The following MSN variants were observed in gnomAD, a reference collection of about 807,000 sequenced individuals.
MSN encodes moesin, also known as epididymis luminal protein 70.
A neutral mutation model predicts 48.0 loss-of-function variants in MSN; 2 were observed. The observed-to-expected ratio is 0.04, with a 90% CI of 0.02 to 0.13. MSN has a LOEUF of 0.13. MSN is among the 10% of genes least tolerant of loss of function. The pLI, the probability that MSN is intolerant of heterozygous loss-of-function variation, is 1.00. For missense variants in MSN, 267 were observed against 470.1 expected, an observed-to-expected ratio of 0.57 and a Z score of 3.99; for synonymous variants, 146 against 166.9, an observed-to-expected ratio of 0.87 and a Z score of 0.97.
intron 1 of MSN, among the ~76,000 whole-genome samples, chrX:65,684,205 G>A (rs748106728): frequency 9.0e-6 from 1 of 110,594 alleles, no homozygotes; most frequent in East Asian, 2.9e-4. Flanking sequence ...GCCTCCCAAA[G>A]TGCGGGGATT....
upstream of MSN, among the ~76,000 whole-genome samples, chrX:65,666,452 G>A (rs866955858): frequency 9.1e-6 from 1 of 109,914 alleles, no homozygotes; most frequent in African/African-American, 3.3e-5. Context: ...TCAGCCTCCC[G>A]AGTAGCTCGG....
At chrX:65,635,425 T>G (rs1362162741) in intron 1 of MSN, among the ~76,000 whole-genome samples, 1 of 111,288 alleles carries the variant, frequency 9.0e-6, no homozygotes, top group African/African-American at 3.3e-5. Flanking sequence ...AGGGCTAAAT[T>G]TAAACTTTTC....
At chrX:65,659,103 C>G (rs1376671364) in intron 1 of MSN, among the ~76,000 whole-genome samples, 1 of 110,300 alleles carries the variant, frequency 9.1e-6, no homozygotes, top group African/African-American at 3.3e-5. Flanking sequence ...CTCAGCCTCC[C>G]AAAGTGCTGG....
chrX:65,688,512 T>C (rs1257375228), intron 1 of MSN, among the ~76,000 whole-genome samples: 1 of 112,080 alleles, frequency 8.9e-6, no homozygotes, highest in Non-Finnish European at 1.9e-5. Flanking sequence ...TTTTCGACTA[T>C]GCACGGGGTG....
intron 2 of MSN, among the ~76,000 whole-genome samples, chrX:65,718,639 G>A (rs998951988): frequency 2.7e-5 from 3 of 110,013 alleles, no homozygotes; most frequent in Admixed American, 9.7e-5. Flanking sequence ...GTAACACAGC[G>A]AGACCCTGTC....
chrX:65,594,269 A>G (rs1172287776), intron 1 of MSN, among the ~76,000 whole-genome samples: 2 of 111,840 alleles, frequency 1.8e-5, no homozygotes, highest in African/African-American at 6.5e-5. Context: ...TAGTGGCAGA[A>G]CTGGGAGTTC....
chrX:65,598,513 C>T (rs1321322132), intron 1 of MSN, among the ~76,000 whole-genome samples: 3 of 111,094 alleles, frequency 2.7e-5, no homozygotes, highest in Non-Finnish European at 5.7e-5. Flanking sequence ...CCCAGGCAGC[C>T]GCATGAGAGA....
intron 1 of MSN, among the ~76,000 whole-genome samples, chrX:65,613,615 A>G (rs1042455576): frequency 8.9e-6 from 1 of 112,261 alleles, no homozygotes; most frequent in African/African-American, 3.2e-5. Flanking sequence ...CATTTCTCTA[A>G]TGACCGGTGA....
At chrX:65,667,949 G>T (rs1004950157) in intron 1 of MSN, 96 bp downstream of exon 1, 87 of 965,678 alleles carry the variant, frequency 9.0e-5, no homozygotes, top group Non-Finnish European at 1.2e-4. Flanking sequence ...CCACCGGCCC[G>T]CCTGGGACGC....
intron 1 of MSN, among the ~76,000 whole-genome samples, chrX:65,635,608 A>C (rs2148367237): frequency 8.9e-6 from 1 of 112,141 alleles, no homozygotes; most frequent in South Asian, 3.7e-4. Context: ...GGAAGCTTTC[A>C]AAATATCCCA....
Position 65,729,675 on chromosome X carries a change from T to A in MSN, c.430T>A (p.Ser144Thr). Residue 144 changes from serine (S) to threonine (T), a missense_variant, in exon 4 of 13, where the codon TCT (serine) becomes ACT (threonine). Physicochemically the swap from Ser to Thr is moderately conservative, Grantham distance 58. Transcript: ENST00000360270. ...YGDFNKEVHK[S>T]GYLAGDKLLP... ...CGACTTCAATAAGGAAGTGCATAAG[T>A]CTGGCTACCTGGCCGGAGACAAGTT... is the stretch of plus-strand genomic sequence containing the variant. 8.3e-7 allele frequency: 1 copy of A among 1,211,229 alleles called. No homozygotes were observed. The highest frequency in any genetic ancestry group is 2.2e-5 in the Admixed American group (1 of 46,047).
At chrX:65,597,330 T>G (rs964495134) in intron 1 of MSN, among the ~76,000 whole-genome samples, 2 of 109,378 alleles carry the variant, frequency 1.8e-5, no homozygotes, top group Non-Finnish European at 3.8e-5. Context: ...ATTACAGATG[T>G]GAGCCACCTG....
intron 1 of MSN, among the ~76,000 whole-genome samples, chrX:65,692,054 T>C (rs1237209435): frequency 2.7e-5 from 3 of 112,504 alleles, no homozygotes; most frequent in African/African-American, 9.7e-5. Flanking sequence ...GAGTTTGGCA[T>C]CCTTAGCTTG....
intron 1 of MSN, among the ~76,000 whole-genome samples, chrX:65,704,891 G>T (rs779604997): frequency 1.8e-5 from 2 of 108,158 alleles, no homozygotes; most frequent in Admixed American, 1.0e-4. Flanking sequence ...TGTCTCAGCC[G>T]CCCTAGTAGC....
intron 2 of MSN, among the ~76,000 whole-genome samples, chrX:65,721,172 C>G (rs755088828): frequency 2.7e-5 from 3 of 112,033 alleles, no homozygotes; most frequent in South Asian, 7.4e-4. Flanking sequence ...ACATGCAACT[C>G]TCTACCCACA....
At chrX:65,720,801 T>C (rs1377969299) in intron 2 of MSN, among the ~76,000 whole-genome samples, 2 of 111,851 alleles carry the variant, frequency 1.8e-5, no homozygotes, top group African/African-American at 6.5e-5. Context: ...CAGCAATAAA[T>C]AATAGGCAAC....
intron 1 of MSN, among the ~76,000 whole-genome samples, chrX:65,696,142 G>A (rs955684158): frequency 9.1e-6 from 1 of 109,827 alleles, no homozygotes; most frequent in African/African-American, 3.4e-5. Flanking sequence ...CTCTGCCCTT[G>A]CTGTATAGAA....
intron 2 of MSN, among the ~76,000 whole-genome samples, chrX:65,721,758 C>T (rs973776120): frequency 1.8e-5 from 2 of 111,563 alleles, no homozygotes; most frequent in African/African-American, 6.5e-5. Flanking sequence ...CCTCTGGAAC[C>T]TTCTTCCACT....
intron 1 of MSN, among the ~76,000 whole-genome samples, chrX:65,633,084 G>A (rs1468211987): frequency 9.0e-6 from 1 of 111,635 alleles, no homozygotes; most frequent in Non-Finnish European, 1.9e-5. Flanking sequence ...TATGGCTGTA[G>A]GTTAGGGAGG....
Sources: allele counts gnomAD v4.1 joint callset (sites outside exome capture counted in the v4.1 genomes callset), GRCh38; gene constraint gnomAD v4.1.1; transcripts MANE v1.5; gene names NCBI Gene and HGNC (gene_info 2026-07-23, HGNC 2026-07-21).